The following NPSR1 variants were observed in gnomAD, a reference collection of about 807,000 sequenced individuals.
NPSR1 encodes the protein neuropeptide S receptor 1, also known as neuropeptide S receptor.
A neutral mutation model predicts 46.9 loss-of-function variants in NPSR1; 48 were observed. That is an observed-to-expected ratio of 1.02 (90% CI 0.81 to 1.30). The LOEUF is 1.30. NPSR1 is among the 50% of genes most tolerant of loss of function. The pLI, the probability that NPSR1 is intolerant of heterozygous loss-of-function variation, is 0.00. For missense variants in NPSR1, 450 were observed against 449.5 expected, an observed-to-expected ratio of 1.00 and a Z score of -0.01; for synonymous variants, 176 against 168.1, an observed-to-expected ratio of 1.05 and a Z score of -0.36.
intron 3 of NPSR1, 96 bp downstream of exon 3, chr7:34,778,661 T>G: frequency 2.8e-6 from 2 of 707,690 alleles, no homozygotes; most frequent in South Asian, 3.6e-5. Context: ...TGCATTCCTA[T>G]GCATCAAACT....
At chr7:34,831,091 T>C (rs769264524) in intron 5 of NPSR1, among the ~76,000 whole-genome samples, 4 of 152,214 alleles carry the variant, frequency 2.6e-5, no homozygotes, top group Non-Finnish European at 1.5e-5. Flanking sequence ...ACTTTGTCCA[T>C]GTCGTCATCT....
chr7:34,773,468 T>A (rs1171387323), intron 2 of NPSR1, among the ~76,000 whole-genome samples: 1 of 152,144 alleles, frequency 6.6e-6, no homozygotes, highest in Non-Finnish European at 1.5e-5. Context: ...AACAGTTAGC[T>A]GTGTTGACTA....
intron 1 of NPSR1, among the ~76,000 whole-genome samples, chr7:34,668,308 T>C (rs534329084): frequency 1.3e-5 from 2 of 152,314 alleles, no homozygotes; most frequent in African/African-American, 4.8e-5. Flanking sequence ...CTCTAACCCT[T>C]AGCAACACAG....
intron 3 of NPSR1, among the ~76,000 whole-genome samples, chr7:34,799,780 TAAAG>T: frequency 3.9e-5 from 1 of 25,554 alleles, no homozygotes; most frequent in Non-Finnish European, 6.9e-5. Context: ...GCAAATTGGA[TAAAG>T]AGTCAGGACC....
At chr7:34,839,549 A>G (rs937996341) in intron 6 of NPSR1, among the ~76,000 whole-genome samples, 41 of 152,208 alleles carry the variant, frequency 2.7e-4, no homozygotes, top group African/African-American at 9.6e-4. Context: ...TTTCATTAAG[A>G]CAGCACTGCA....
intron 8 of NPSR1, among the ~76,000 whole-genome samples, chr7:34,858,243 G>T (rs1251680537): frequency 6.6e-6 from 1 of 151,626 alleles, no homozygotes. Flanking sequence ...AAAAATATTT[G>T]TAATAGCACT....
At chr7:34,864,334 C>A (rs1791260149) in intron 8 of NPSR1, among the ~76,000 whole-genome samples, 1 of 150,020 alleles carries the variant, frequency 6.7e-6, no homozygotes, top group African/African-American at 2.5e-5. Context: ...AACAAACCTG[C>A]ACGTTCTGCA....
At chr7:34,677,807 C>G (rs1281266665) in intron 1 of NPSR1, among the ~76,000 whole-genome samples, 1 of 152,190 alleles carries the variant, frequency 6.6e-6, no homozygotes, top group African/African-American at 2.4e-5. Flanking sequence ...GGGAGGTTTA[C>G]TGAATGCTGC....
chr7:34,839,003 T>G (rs923193024), intron 6 of NPSR1, among the ~76,000 whole-genome samples: 1 of 152,108 alleles, frequency 6.6e-6, no homozygotes, highest in African/African-American at 2.4e-5. Flanking sequence ...TGAGGCATAC[T>G]AGAGTGAAGA....
intron 2 of NPSR1, among the ~76,000 whole-genome samples, chr7:34,729,937 C>T (rs962304956): frequency 1.3e-5 from 2 of 152,102 alleles, no homozygotes; most frequent in African/African-American, 4.8e-5. Flanking sequence ...CCACACCTGG[C>T]TCAATGTTTA....
downstream of NPSR1, among the ~76,000 whole-genome samples, chr7:34,854,040 A>C (rs1388767157): frequency 6.6e-6 from 1 of 152,222 alleles, no homozygotes; most frequent in Non-Finnish European, 1.5e-5. Context: ...AGGCAATTAA[A>C]TGTAGTTAGT....
chr7:34,791,073 T>C lies in NPSR1; in HGVS notation c.384+12508T>C, dbSNP rs569851424. ...ATGTTATATGTTATATATTATATTA[T>C]ATATGTTATATGTTATATATATTAT... is the stretch of plus-strand genomic sequence containing the variant. On this transcript the variant is annotated intron_variant, in intron 3 of 8. Transcript: ENST00000360581. Among the ~76,000 whole-genome samples, 42 of 115,388 alleles carry C rather than the reference T, an allele frequency of 3.6e-4. 1 individual carries two copies. The highest frequency in any genetic ancestry group is 1.6e-3 in the African/African-American group (41 of 26,070). 75.7% of individuals were successfully genotyped at this position (115,388 alleles called of 152,430 possible).
At chr7:34,664,117 G>C (rs1329837289) in intron 1 of NPSR1, among the ~76,000 whole-genome samples, 1 of 152,132 alleles carries the variant, frequency 6.6e-6, no homozygotes, top group Non-Finnish European at 1.5e-5. Context: ...CTTCTCTCTG[G>C]ACCTCTCAGT....
chr7:34,877,276 A>G (rs1791598240), intron 8 of NPSR1, among the ~76,000 whole-genome samples: 1 of 152,146 alleles, frequency 6.6e-6, no homozygotes, highest in Admixed American at 6.5e-5. Flanking sequence ...GGGTGGCAAG[A>G]GCACAGAGCC....
At chr7:34,832,907 T>A (rs1790184870) in intron 5 of NPSR1, among the ~76,000 whole-genome samples, 1 of 152,188 alleles carries the variant, frequency 6.6e-6, no homozygotes, top group South Asian at 2.1e-4. Context: ...AACTTAGGGT[T>A]GAACTCACTA....
intron 4 of NPSR1, among the ~76,000 whole-genome samples, chr7:34,820,448 G>A (rs998992038): frequency 1.3e-5 from 2 of 152,148 alleles, no homozygotes; most frequent in South Asian, 4.1e-4. Flanking sequence ...GGGGAGGCAG[G>A]AAATTGATGA....
intron 8 of NPSR1, among the ~76,000 whole-genome samples, chr7:34,877,555 C>T (rs1230000359): frequency 6.6e-6 from 1 of 152,168 alleles, no homozygotes; most frequent in African/African-American, 2.4e-5. Flanking sequence ...GCCCAGGTAG[C>T]AGACTACACA....
At chr7:34,719,413 A>T (rs1783739760) in intron 2 of NPSR1, 1 of 152,188 alleles carries the variant, frequency 6.6e-6, no homozygotes, top group South Asian at 2.1e-4. Context: ...AGGACTTAGG[A>T]AAATGGAGTC....
chr7:34,698,708 T>C (rs1018799003), intron 2 of NPSR1, among the ~76,000 whole-genome samples: 2 of 152,186 alleles, frequency 1.3e-5, no homozygotes, highest in African/African-American at 4.8e-5. Context: ...TACTGGTGGA[T>C]TGTGAGAAGT....
Sources: allele counts gnomAD v4.1 joint callset (sites outside exome capture counted in the v4.1 genomes callset), GRCh38; gene constraint gnomAD v4.1.1; transcripts MANE v1.5; gene names NCBI Gene and HGNC (gene_info 2026-07-23, HGNC 2026-07-21).